The following ZMAT4 variants were observed in gnomAD, a reference collection of about 807,000 sequenced individuals.
ZMAT4 encodes zinc finger matrin-type 4.
A neutral mutation model predicts 28.7 loss-of-function variants in ZMAT4; 17 were observed. That is an observed-to-expected ratio of 0.59 (90% CI 0.41 to 0.89). ZMAT4 has a LOEUF of 0.89. Among genes scored for constraint, ZMAT4 ranks in the 40% least tolerant of loss-of-function variants. ZMAT4 has a pLI of 0.00. For missense variants in ZMAT4, 240 were observed against 283.8 expected, an observed-to-expected ratio of 0.85 and a Z score of 1.11; for synonymous variants, 117 against 109.2, an observed-to-expected ratio of 1.07 and a Z score of -0.44.
intron 2 of ZMAT4, among the ~76,000 whole-genome samples, chr8:40,784,625 TAAC>T (rs989827194): frequency 2.0e-5 from 3 of 152,128 alleles, no homozygotes; most frequent in African/African-American, 7.2e-5. Context: ...TTGCAAATAA[TAAC>T]AAACATTTAT....
intron 3 of ZMAT4, among the ~76,000 whole-genome samples, chr8:40,756,457 T>TATATATATATATATACAC (rs1278110013): frequency 1.8e-5 from 2 of 113,316 alleles, no homozygotes; most frequent in African/African-American, 6.6e-5. Context: ...TATATATATA[T>TATATATATATATATACAC]ACACACTTGT....
At chr8:40,558,143 T>A (rs765542637) in intron 6 of ZMAT4, among the ~76,000 whole-genome samples, 1 of 151,986 alleles carries the variant, frequency 6.6e-6, no homozygotes, top group East Asian at 1.9e-4. Flanking sequence ...ATGGGTGTGG[T>A]GGGGAGGAGA....
chr8:40,841,268 G>C (rs184543471), intron 1 of ZMAT4, among the ~76,000 whole-genome samples: 27 of 152,278 alleles, frequency 1.8e-4, no homozygotes, highest in African/African-American at 6.5e-4. Flanking sequence ...TTTCTGATAA[G>C]AGCCAGTTTG....
At chr8:40,703,445 T>C (rs1810228673) in intron 3 of ZMAT4, among the ~76,000 whole-genome samples, 1 of 152,160 alleles carries the variant, frequency 6.6e-6, no homozygotes, top group Non-Finnish European at 1.5e-5. Context: ...CTTGAAAACA[T>C]TATGCTAAAT....
intron 2 of ZMAT4, among the ~76,000 whole-genome samples, chr8:40,787,539 T>TTGA (rs1267630745): frequency 6.6e-6 from 1 of 152,252 alleles, no homozygotes; most frequent in East Asian, 1.9e-4. Context: ...CCTTATTAAG[T>TTGA]TGAGAACTTT....
chr8:40,645,073 G>C (rs375317429), intron 5 of ZMAT4, among the ~76,000 whole-genome samples: 11 of 152,092 alleles, frequency 7.2e-5, no homozygotes, highest in African/African-American at 2.7e-4. Flanking sequence ...ACAGAAAAAG[G>C]ACACTCAGTA....
intron 6 of ZMAT4, among the ~76,000 whole-genome samples, chr8:40,578,507 A>G (rs1804342724): frequency 6.6e-6 from 1 of 152,190 alleles, no homozygotes; most frequent in African/African-American, 2.4e-5. Context: ...AGACTTCCTT[A>G]AAAATTAGAC....
intron 5 of ZMAT4, among the ~76,000 whole-genome samples, chr8:40,631,017 C>T (rs552886544): frequency 1.3e-5 from 2 of 151,732 alleles, no homozygotes; most frequent in South Asian, 2.1e-4. Flanking sequence ...TCTGGTGTGT[C>T]CTTTACACTT....
chr8:40,604,815 A>G (rs1805523760), intron 5 of ZMAT4, among the ~76,000 whole-genome samples: 1 of 152,188 alleles, frequency 6.6e-6, no homozygotes, highest in African/African-American at 2.4e-5. Flanking sequence ...TCTTCTATGA[A>G]TGTCTAATAG....
chr8:40,650,111 C>T (rs1446364825), intron 5 of ZMAT4, among the ~76,000 whole-genome samples: 1 of 152,136 alleles, frequency 6.6e-6, no homozygotes, highest in South Asian at 2.1e-4. Context: ...CACAAAAAAC[C>T]CTTCAAAAAG....
chr8:40,787,250 C>G (rs2150576056), intron 2 of ZMAT4, among the ~76,000 whole-genome samples: 1 of 152,294 alleles, frequency 6.6e-6, no homozygotes, highest in African/African-American at 2.4e-5. Context: ...CGGCAGTCTT[C>G]TTTTATAGAA....
At chr8:40,827,124 T>C (rs891148300) in intron 1 of ZMAT4, among the ~76,000 whole-genome samples, 2 of 152,218 alleles carry the variant, frequency 1.3e-5, no homozygotes, top group African/African-American at 2.4e-5. Flanking sequence ...CTCGCTTGCA[T>C]GATTCCAATT....
intron 3 of ZMAT4, among the ~76,000 whole-genome samples, chr8:40,720,846 C>G (rs1811055544): frequency 6.6e-6 from 1 of 151,852 alleles, no homozygotes; most frequent in Non-Finnish European, 1.5e-5. Flanking sequence ...TTTTAGAAGC[C>G]CTGTTTCCTT....
chr8:40,686,047 A>C (rs1809389733), intron 4 of ZMAT4, among the ~76,000 whole-genome samples: 1 of 152,178 alleles, frequency 6.6e-6, no homozygotes, highest in South Asian at 2.1e-4. Flanking sequence ...CCAAATATTC[A>C]TATAGTCATG....
At chr8:40,681,881 TA>T (rs964453103) in intron 4 of ZMAT4, among the ~76,000 whole-genome samples, 102 of 147,062 alleles carry the variant, frequency 6.9e-4, no homozygotes, top group Middle Eastern at 3.4e-3. Flanking sequence ...CATGCAGAAA[TA>T]AAAAAAAAAG....
At chr8:40,660,918 G>A (rs191531378) in intron 5 of ZMAT4, among the ~76,000 whole-genome samples, 148 of 152,098 alleles carry the variant, frequency 9.7e-4, no homozygotes, top group Admixed American at 1.9e-3. Context: ...TATTTGCCTC[G>A]GAAATCACAA....
At chr8:40,877,564 A>G (rs1420337244) in intron 1 of ZMAT4, among the ~76,000 whole-genome samples, 1 of 152,204 alleles carries the variant, frequency 6.6e-6, no homozygotes, top group Non-Finnish European at 1.5e-5. Flanking sequence ...TCCACTGTTG[A>G]AAAGCTTTTT....
intron 5 of ZMAT4, among the ~76,000 whole-genome samples, chr8:40,656,101 CAAT>C (rs1411532553): frequency 6.6e-6 from 1 of 151,980 alleles, no homozygotes; most frequent in East Asian, 1.9e-4. Flanking sequence ...TACAACTCAA[CAAT>C]AAAAGGCAAA....
Position 40,615,147 on chromosome 8 carries a change from C to A in ZMAT4, c.578-33886G>T, listed in dbSNP as rs1335042467. On this transcript the variant is annotated intron_variant, in intron 5 of 6. Transcript: ENST00000297737. ...TGGTGACAAAATCTCTCAGCATTTG[C>A]TTGTCTGTAAAGTATTTTATTTCTC... is the stretch of plus-strand genomic sequence containing the variant. 6.6e-5 allele frequency among the ~76,000 whole-genome samples: 10 copies of A among 152,188 alleles called. No homozygotes were observed. The East Asian group carries it at 1.9e-3, about 29-fold the overall frequency.
Sources: gnomAD v4.1 joint callset for allele counts (sites outside exome capture counted in the v4.1 genomes callset) on GRCh38, gnomAD v4.1.1 for gene constraint, MANE v1.5 for transcripts, NCBI Gene and HGNC (gene_info 2026-07-23, HGNC 2026-07-21) for gene names.